MAGI2: variants seen among roughly 807,000 people sequenced by gnomAD.
MAGI2 encodes membrane-associated guanylate kinase, WW and PDZ domain-containing protein 2.
A neutral mutation model predicts 133.3 loss-of-function variants in MAGI2; 35 were observed. That is an observed-to-expected ratio of 0.26 (90% CI 0.20 to 0.35). MAGI2 has a LOEUF of 0.35. MAGI2 is among the 10% of genes least tolerant of loss of function. The pLI, the probability that MAGI2 is intolerant of heterozygous loss-of-function variation, is 1.00. For missense variants in MAGI2, 1,636 were observed against 1,863.4 expected (o/e 0.88, Z 2.25); for synonymous variants, 729 against 710.6 (o/e 1.03, Z -0.41).
At chr7:78,812,306 A>T (rs939307471) in intron 2 of MAGI2, among the ~76,000 whole-genome samples, 4 of 152,222 alleles carry the variant, frequency 2.6e-5, no homozygotes, top group Non-Finnish European at 5.9e-5. Flanking sequence ...TAAAAAATTT[A>T]AAAAAAGAAT....
intron 1 of MAGI2, among the ~76,000 whole-genome samples, chr7:79,248,005 T>A (rs1832944496): frequency 6.6e-6 from 1 of 151,770 alleles, no homozygotes; most frequent in Admixed American, 6.6e-5. Flanking sequence ...ATGGCAGGAG[T>A]AAGTTCATAC....
At chr7:78,098,266 T>C (rs987285084) in intron 20 of MAGI2, among the ~76,000 whole-genome samples, 7 of 152,146 alleles carry the variant, frequency 4.6e-5, no homozygotes, top group African/African-American at 1.7e-4. Context: ...GTTCCAGTTT[T>C]TATGATTTTC....
chr7:79,367,875 A>ATATATATATATATATATATATATATT, intron 1 of MAGI2, among the ~76,000 whole-genome samples: 1 of 122,128 alleles, frequency 8.2e-6, no homozygotes, highest in African/African-American at 3.5e-5. Context: ...ATATATATAT[A>ATATATATATATATATATATATATATT]TGTCATTGAC....
At chr7:78,756,790 C>A (rs923825177) in intron 2 of MAGI2, among the ~76,000 whole-genome samples, 2 of 152,110 alleles carry the variant, frequency 1.3e-5, no homozygotes, top group Non-Finnish European at 2.9e-5. Flanking sequence ...TTGAATTCTC[C>A]CATTTATCAG....
chr7:78,331,667 T>C (rs1026421909), intron 9 of MAGI2, among the ~76,000 whole-genome samples: 3 of 152,224 alleles, frequency 2.0e-5, no homozygotes, highest in Admixed American at 6.5e-5. Context: ...ATTTCTATTA[T>C]ATTTAAATAA....
intron 2 of MAGI2, among the ~76,000 whole-genome samples, chr7:78,932,303 G>A (rs6952707): frequency 0.027 from 4,158 of 152,076 alleles, 160 homozygotes; most frequent in African/African-American, 0.088. Flanking sequence ...ACCCCTGCGG[G>A]TCATAGTAAT....
chr7:79,236,021 G>A (rs919272697), intron 1 of MAGI2, among the ~76,000 whole-genome samples: 1 of 152,188 alleles, frequency 6.6e-6, no homozygotes, highest in African/African-American at 2.4e-5. Context: ...GAAGGCTCTA[G>A]GTTTGCTGGC....
intron 1 of MAGI2, among the ~76,000 whole-genome samples, chr7:79,303,284 C>T (rs1837522039): frequency 9.3e-6 from 1 of 107,302 alleles, no homozygotes; most frequent in Non-Finnish European, 1.9e-5. Flanking sequence ...AACATTTGTA[C>T]CCCAAAAGCC....
At position 78,445,337 on chromosome 7, in the gene MAGI2, G is replaced by A. The variant is rs564279683; in HGVS notation, c.1045+44424C>T. On this transcript the variant is annotated intron_variant, in intron 6 of 21. Transcript: ENST00000354212. ...TAATTCACACAATGTTGAAATCAAC[G>A]AACGATTATAACTATGGATTTTCTA... Among the ~76,000 whole-genome samples the A allele has an allele frequency of 4.6e-5, 7 of 152,002 alleles. No individual in the cohort carries two copies. In the South Asian group the frequency reaches 6.2e-4, roughly 14 times the overall value.
rs117447733 is a variant in MAGI2 at position 78,813,123 on chromosome 7, A to C, written c.419-185884T>G. Among the ~76,000 whole-genome samples, 1,105 of 152,252 alleles carry C rather than the reference A, an allele frequency of 7.3e-3. 38 individuals carry two copies. The highest frequency in any genetic ancestry group is 0.051 in the Admixed American group (775 of 15,284). On this transcript the variant is annotated intron_variant, in intron 2 of 21. Transcript: ENST00000354212. ...GATGGTTTCACGGGCAAATTCTCTC[A>C]AATATTTTAGAAAAAATAACACAAA...
At chr7:78,119,364 T>A (rs1302008031) in intron 20 of MAGI2, among the ~76,000 whole-genome samples, 2 of 151,786 alleles carry the variant, frequency 1.3e-5, no homozygotes, top group Non-Finnish European at 2.9e-5. Context: ...ATAGAGACCA[T>A]CCTGGCTAAC....
intron 18 of MAGI2, among the ~76,000 whole-genome samples, chr7:78,131,876 A>C (rs1221402113): frequency 1.3e-5 from 2 of 151,982 alleles, no homozygotes; most frequent in Non-Finnish European, 2.9e-5. Context: ...TAAAAATGCT[A>C]ATTTATTTTA....
intron 2 of MAGI2, among the ~76,000 whole-genome samples, chr7:78,868,758 C>T (rs1333085989): frequency 2.7e-5 from 3 of 110,742 alleles, no homozygotes; most frequent in African/African-American, 8.9e-5. Context: ...GGAAGTAATA[C>T]ATACTTTTTT....
chr7:79,286,254 TTAGTG>T (rs1835990492), intron 1 of MAGI2, among the ~76,000 whole-genome samples: 1 of 152,026 alleles, frequency 6.6e-6, no homozygotes, highest in Non-Finnish European at 1.5e-5. Flanking sequence ...TATAAAGTCT[TTAGTG>T]TATGCCTTGG....
chr7:78,884,023 T>C (rs1584271949), intron 2 of MAGI2, among the ~76,000 whole-genome samples: 1 of 152,264 alleles, frequency 6.6e-6, no homozygotes, highest in Non-Finnish European at 1.5e-5. Context: ...ATTAAACTAT[T>C]GTGCTTTGGA....
At chr7:78,311,101 C>G (rs1022985348) in intron 9 of MAGI2, among the ~76,000 whole-genome samples, 16 of 152,112 alleles carry the variant, frequency 1.1e-4, no homozygotes, top group Admixed American at 9.2e-4. Flanking sequence ...TGATGAGAAA[C>G]CAAAGAGCTG....
At chr7:78,872,835 C>A (rs2151525602) in intron 2 of MAGI2, among the ~76,000 whole-genome samples, 1 of 151,804 alleles carries the variant, frequency 6.6e-6, no homozygotes, top group East Asian at 1.9e-4. Flanking sequence ...TGAGAATAAC[C>A]ATATATGAAA....
chr7:79,266,486 T>G (rs1834468704), intron 1 of MAGI2, among the ~76,000 whole-genome samples: 2 of 152,056 alleles, frequency 1.3e-5, no homozygotes, highest in African/African-American at 4.8e-5. Context: ...ACTTCTCTGT[T>G]CTCCACAGCT....
chr7:79,234,037 T>A (rs1173592726), intron 1 of MAGI2, among the ~76,000 whole-genome samples: 2 of 142,722 alleles, frequency 1.4e-5, no homozygotes, highest in Non-Finnish European at 3.1e-5. Context: ...AGTATTTTAT[T>A]TCTCCTTCGC....
Sources: allele counts gnomAD v4.1 joint callset (sites outside exome capture counted in the v4.1 genomes callset), GRCh38; gene constraint gnomAD v4.1.1; transcripts MANE v1.5; gene names NCBI Gene and HGNC (gene_info 2026-07-23, HGNC 2026-07-21).